The following GMCL1 variants were observed in gnomAD, a reference collection of about 807,000 sequenced individuals.
GMCL1 encodes the protein germ cell-less 1, spermatogenesis associated, also known as germ cell-less protein-like 1.
A neutral mutation model predicts 75.5 loss-of-function variants in GMCL1; 54 were observed. The ratio of observed to expected loss-of-function variants is 0.71; its 90% confidence interval spans 0.57 to 0.90. The LOEUF (loss-of-function observed/expected upper bound fraction) is 0.90. Among genes scored for constraint, GMCL1 ranks in the 40% least tolerant of loss-of-function variants. The pLI is 0.00. For missense variants in GMCL1, 537 were observed against 622.7 expected, an observed-to-expected ratio of 0.86 and a Z score of 1.47; for synonymous variants, 210 against 209.6, an observed-to-expected ratio of 1.00 and a Z score of -0.02.
At chr2:69,856,231 A>G (rs1675464218) in intron 9 of GMCL1, among the ~76,000 whole-genome samples, 1 of 152,178 alleles carries the variant, frequency 6.6e-6, no homozygotes, top group South Asian at 2.1e-4. Context: ...AAATTAGTTG[A>G]AATTATTTTG....
In GMCL1 at chr2:69,832,720, T is replaced by C. The variant is rs550498579; in HGVS notation, c.260+2568T>C. ...CAACAGGACAATCTAACCTTTCAATTAGTAGTTAGACCACTTATATTTAAC... is the reference window on the plus strand; with the variant it reads ...CAACAGGACAATCTAACCTTTCAATCAGTAGTTAGACCACTTATATTTAAC... On this transcript the variant is annotated intron_variant, in intron 1 of 13. Transcript: ENST00000282570. 2.0e-5 allele frequency among the ~76,000 whole-genome samples: 3 copies of C among 152,370 alleles called. No homozygotes were observed. In the East Asian group the frequency reaches 5.8e-4, roughly 29 times the overall value.
chr2:69,838,360 A>AAAAAAAAAAAAAAAAC, intron 2 of GMCL1, among the ~76,000 whole-genome samples: 1 of 150,630 alleles, frequency 6.6e-6, no homozygotes, highest in Non-Finnish European at 1.5e-5. Context: ...AAAAAAAAAA[A>AAAAAAAAAAAAAAAAC]AAAATCGGAG....
chr2:69,862,840 C>G (rs1044159763), intron 10 of GMCL1, among the ~76,000 whole-genome samples: 4 of 151,842 alleles, frequency 2.6e-5, no homozygotes, highest in African/African-American at 9.7e-5. Context: ...AGAACTGAAG[C>G]ATTTTGTAGT....
intron 3 of GMCL1, among the ~76,000 whole-genome samples, chr2:69,840,624 T>C (rs1674956771): frequency 6.6e-6 from 1 of 152,178 alleles, no homozygotes; most frequent in African/African-American, 2.4e-5. Context: ...TACTTAACGA[T>C]TGGTCTACTG....
At chr2:69,871,628 A>G (rs1188191260) in intron 12 of GMCL1, 117 bp from the exon 13 acceptor site, 2 of 580,400 alleles carry the variant, frequency 3.4e-6, no homozygotes, top group African/African-American at 3.8e-5. Context: ...AGACTTCCTA[A>G]AAGTCTTTTA....
chr2:69,870,818 C>G (rs1306026351), intron 12 of GMCL1, among the ~76,000 whole-genome samples: 1 of 152,104 alleles, frequency 6.6e-6, no homozygotes, highest in Non-Finnish European at 1.5e-5. Context: ...GCTATCACTT[C>G]ACACCTATTA....
At position 69,861,354 on chromosome 2, in the gene GMCL1, A is replaced by G. The variant is rs1675639666; in HGVS notation, c.1142+7A>G. On this transcript the variant is annotated splice_region_variant and intron_variant, in intron 10 of 13. Transcript: ENST00000282570. ...AACAGGACAGTGAGGTGGGGTAAGT[A>G]TATTATACCTTATCATTTTTCATTA... The G allele has an allele frequency of 1.9e-6, 3 of 1,554,718 alleles. No homozygotes were observed. In the East Asian group the frequency reaches 6.8e-5, roughly 35 times the overall value.
intron 11 of GMCL1, among the ~76,000 whole-genome samples, chr2:69,868,836 C>A (rs1020745845): frequency 1.3e-5 from 2 of 151,240 alleles, no homozygotes; most frequent in Non-Finnish European, 2.9e-5. Flanking sequence ...CTTATTATTG[C>A]TGGGTGCAGT....
chr2:69,865,511 G>T (rs1675786474), intron 11 of GMCL1, among the ~76,000 whole-genome samples: 1 of 152,032 alleles, frequency 6.6e-6, no homozygotes, highest in African/African-American at 2.4e-5. Context: ...AGCCAGGCAT[G>T]GTGGTGCATG....
In GMCL1 at chr2:69,880,008, T is replaced by TGG. The variant is rs1676235119; in HGVS notation, c.*1004_*1005insGG. ...TAAATGTAAATAAGGTCAGAGGATG[T>TGG]AATATGGAGCCTGATGATGAAGCAT... On this transcript the variant is annotated 3_prime_UTR_variant, in exon 14 of 14. Transcript: ENST00000282570. 1 of 152,196 alleles carries TGG rather than the reference T, an allele frequency of 6.6e-6. No individual in the cohort carries two copies. The highest frequency in any genetic ancestry group is 1.9e-4 in the East Asian group (1 of 5,196). The allele number at this position is 152,196 out of a possible 1,614,324, so 9.4% of individuals were successfully genotyped here.
rs1306876237 is a variant in GMCL1, at chr2:69,879,041, A to G, written c.*37A>G. The G allele has an allele frequency of 7.4e-7, 1 of 1,358,066 alleles. No individual in the cohort carries two copies. The highest frequency in any genetic ancestry group is 1.4e-5 in the African/African-American group (1 of 69,254). 84.1% of individuals were successfully genotyped at this position (1,358,066 alleles called of 1,614,324 possible). A position where few individuals can be genotyped will look rare whatever the true frequency, so the allele number is the denominator to read the frequency against. ...ACCCAGAAAATCCAGAAAACTGAAG[A>G]TTTCATCAGTTGGAAACAGTAGCAC... On this transcript the variant is annotated 3_prime_UTR_variant, in exon 14 of 14. Coordinates refer to ENST00000282570, the MANE Select transcript of GMCL1 (RefSeq NM_178439.5).
chr2:69,836,189 A>G (rs929737282), intron 1 of GMCL1, among the ~76,000 whole-genome samples: 7 of 152,108 alleles, frequency 4.6e-5, no homozygotes, highest in African/African-American at 1.7e-4. Flanking sequence ...CCTCCATCCT[A>G]GTCCTCCATA....
At chr2:69,877,194 T>C (rs1014489210) in intron 13 of GMCL1, among the ~76,000 whole-genome samples, 1 of 152,188 alleles carries the variant, frequency 6.6e-6, no homozygotes, top group Non-Finnish European at 1.5e-5. Context: ...TAGATGCAGA[T>C]TGAACCTTTA....
chr2:69,867,537 C>A (rs918480850), intron 11 of GMCL1, among the ~76,000 whole-genome samples: 2 of 152,164 alleles, frequency 1.3e-5, no homozygotes, highest in Non-Finnish European at 2.9e-5. Flanking sequence ...GTTTTTACAA[C>A]CTTTCCCTAT....
chr2:69,864,320 T>C (rs1353381484), intron 10 of GMCL1, among the ~76,000 whole-genome samples: 1 of 151,980 alleles, frequency 6.6e-6, no homozygotes, highest in Non-Finnish European at 1.5e-5. Flanking sequence ...TTTGGAATAA[T>C]GATGCTAATT....
chr2:69,878,836 A>G, intron 13 of GMCL1, 73 bp from the exon 14 acceptor site: 1 of 985,426 alleles, frequency 1.0e-6, no homozygotes, highest in South Asian at 1.3e-5. Context: ...CCTTTGGTTC[A>G]CTCAGTTCAA....
intron 4 of GMCL1, 113 bp downstream of exon 4, chr2:69,841,152 G>T: frequency 1.5e-6 from 1 of 671,016 alleles, no homozygotes. Flanking sequence ...AAATAAAAAT[G>T]AAATGTATAA....
Position 69,859,729 on chromosome 2 carries a change from G to GTC in GMCL1, c.1073-1537_1073-1536dup, listed in dbSNP as rs1324581175. Reference sequence around the variant, plus strand: ...AGCCTGGGCCACAGAGTGAGACCGTGTCTCTCTCTCTCTAAAAAAAAAAAA... The same window carrying GTC: ...AGCCTGGGCCACAGAGTGAGACCGTGTCTCTCTCTCTCTCTAAAAAAAAAAAA... On this transcript the variant is annotated intron_variant, in intron 9 of 13. Transcript: ENST00000282570. 3.1e-4 allele frequency among the ~76,000 whole-genome samples: 22 copies of GTC among 71,238 alleles called. 1 individual carries two copies. The South Asian group carries it at 3.3e-3, about 11-fold the overall frequency. 46.7% of individuals were successfully genotyped at this position (71,238 alleles called of 152,430 possible). A position where few individuals can be genotyped will look rare whatever the true frequency, so the allele number is the denominator to read the frequency against.
rs571184431 is a variant in GMCL1 at position 69,839,095 on chromosome 2, G to A, written c.385-362G>A. Among the ~76,000 whole-genome samples, 26 of 151,734 alleles carry A rather than the reference G, an allele frequency of 1.7e-4. No individual in the cohort carries two copies. In the East Asian group the frequency reaches 4.8e-3, roughly 28 times the overall value. ...CTTTGGCGATCATCCTGTTTTTGCT[G>A]ACTTGGGACTGGTTTGGTCCTTTAT... On this transcript the variant is annotated intron_variant, in intron 2 of 13. Transcript: ENST00000282570.
Sources: allele counts gnomAD v4.1 joint callset (sites outside exome capture counted in the v4.1 genomes callset), GRCh38; gene constraint gnomAD v4.1.1; transcripts MANE v1.5; gene names NCBI Gene and HGNC (gene_info 2026-07-23, HGNC 2026-07-21).